The following SRCAP variants were observed in gnomAD, a reference collection of about 807,000 sequenced individuals.
SRCAP encodes chromatin remodeling protein SRCAP.
SRCAP carries 46 observed loss-of-function variants against 263.1 expected under a neutral mutation model. The observed-to-expected ratio is 0.17, with a 90% CI of 0.14 to 0.22. SRCAP has a LOEUF of 0.22. Among genes scored for constraint, SRCAP ranks in the 10% least tolerant of loss-of-function variants. The pLI, the probability that SRCAP is intolerant of heterozygous loss-of-function variation, is 1.00. For synonymous variants in SRCAP, 1,813 were observed against 1,662.1 expected (o/e 1.09, Z -2.21); for missense variants, 3,695 against 4,181.9 (o/e 0.88, Z 3.21).
chr16:30,722,462 A>G lies in SRCAP; in HGVS notation c.3707-101A>G. On this transcript the variant is annotated intron_variant, in intron 22 of 33. Coordinates refer to ENST00000262518, the MANE Select transcript of SRCAP (RefSeq NM_006662.3). Reference sequence around the variant, plus strand: ...GATAGGGAAGAGGTCATTCTAGAGAATGTATTCCCTCTCTGTTCTTTTCTT... The same window carrying G: ...GATAGGGAAGAGGTCATTCTAGAGAGTGTATTCCCTCTCTGTTCTTTTCTT... The G allele has an allele frequency of 2.7e-6, 4 of 1,494,218 alleles. No individual in the cohort carries two copies. The South Asian group carries it at 3.7e-5, about 14-fold the overall frequency. The allele number at this position is 1,494,218 out of a possible 1,614,324, so 92.6% of individuals were successfully genotyped here. A position where few individuals can be genotyped will look rare whatever the true frequency, so the allele number is the denominator to read the frequency against.
Position 30,720,165 on chromosome 16 carries a change from A to G in SRCAP, c.2821A>G (p.Ile941Val), listed in dbSNP as rs1176169022. Residue 941 changes from isoleucine (I) to valine (V), a missense_variant, in exon 19 of 34, where the codon ATA becomes GTA. By Grantham distance (29) the Ile-to-Val change is conservative (BLOSUM62 3). This residue lies in a region of SRCAP where 147 missense variants were observed against 212.7 expected (regional missense o/e 0.69). Transcript: ENST00000262518. Reference protein sequence around the residue: ...RATDVHPLQRIDMGRFDLIGL... With the variant: ...RATDVHPLQRVDMGRFDLIGL... ...TGTGCTTTCTTTCTTGTGGCAGCGG[A>G]TAGACATGGGTCGATTTGACCTTAT... is the stretch of plus-strand genomic sequence containing the variant. 3.1e-6 allele frequency: 5 copies of G among 1,603,916 alleles called. No individual in the cohort carries two copies. Among genetic ancestry groups the G allele is most frequent in the Middle Eastern group, 1.7e-4 (1 of 6,048 alleles).
At chr16:30,726,584 G>A (rs72793375) in intron 25 of SRCAP, among the ~76,000 whole-genome samples, 22,642 of 150,448 alleles carry the variant, frequency 0.15, 2,191 homozygotes, top group Non-Finnish European at 0.22. Flanking sequence ...GCTTTGGCAC[G>A]GTCTTGGCTC....
At position 30,737,142 on chromosome 16, in the gene SRCAP, G is replaced by T. The variant is rs765156790; in HGVS notation, c.7102G>T (p.Asp2368Tyr). ...QEEEEGPGAG[D>Y]ESSCGTGGGT... ...GGAGGAGGAGGGGCCGGGGGCTGGG[G>T]ATGAGAGTTCCTGTGGGACTGGTGG... Residue 2368 changes from aspartate to tyrosine, a missense_variant, in exon 34 of 34, where the codon GAT becomes TAT. Coordinates refer to ENST00000262518, the MANE Select transcript of SRCAP (RefSeq NM_006662.3). 3.7e-6 allele frequency: 6 copies of T among 1,613,952 alleles called. No individual in the cohort carries two copies. In the South Asian group the frequency reaches 5.5e-5, roughly 15 times the overall value.
In SRCAP at chr16:30,739,951, A is replaced by T; in HGVS notation, c.*218A>T. 1 of 676,546 alleles carries T rather than the reference A, an allele frequency of 1.5e-6. No homozygotes were observed. The highest frequency in any genetic ancestry group is 2.2e-6 in the Non-Finnish European group (1 of 452,812). 41.9% of individuals were successfully genotyped at this position (676,546 alleles called of 1,614,324 possible). ...TCCCCTTCACCCCACGTGGCTGGGC[A>T]GTGTTAAGGGTGGCAAGATAGTCTC... On this transcript the variant is annotated 3_prime_UTR_variant, in exon 34 of 34. Coordinates refer to ENST00000262518, the MANE Select transcript of SRCAP (RefSeq NM_006662.3).
rs1309704333 is a variant in SRCAP at position 30,718,520 on chromosome 16, C to G, written c.2818-1642C>G. Among the ~76,000 whole-genome samples, 8 of 147,380 alleles carry G rather than the reference C, an allele frequency of 5.4e-5. No individual in the cohort carries two copies. The Admixed American group carries it at 5.5e-4, about 10-fold the overall frequency. ...ATGGAGTCTTACTCTGTCGCTCAGG[C>G]TGGAGTGCAGTGGTGCGATGTCAGC... On this transcript the variant is annotated intron_variant, in intron 18 of 33. Coordinates refer to ENST00000262518, the MANE Select transcript of SRCAP (RefSeq NM_006662.3).
intron 1 of SRCAP, among the ~76,000 whole-genome samples, chr16:30,699,564 C>T (rs557385952): frequency 1.3e-5 from 2 of 152,158 alleles, no homozygotes; most frequent in East Asian, 1.9e-4. Flanking sequence ...ACTCTCACTT[C>T]TGCGTTCAGC....
chr16:30,710,574 C>T, intron 8 of SRCAP, 180 bp from the exon 9 acceptor site: 1 of 803,922 alleles, frequency 1.2e-6, no homozygotes, highest in Admixed American at 1.7e-5. Context: ...GCAGTGGGGC[C>T]AGGATTTGGT....
Position 30,733,862 on chromosome 16 carries a change from G to A in SRCAP, c.6495-32G>A, listed in dbSNP as rs1389172087. The A allele has an allele frequency of 6.2e-7, 1 of 1,612,994 alleles. No individual in the cohort carries two copies. The highest frequency in any genetic ancestry group is 1.3e-5 in the African/African-American group (1 of 74,846). On this transcript the variant is annotated intron_variant, in intron 29 of 33. Transcript: ENST00000262518. The surrounding 1 kb of genome is among the most constrained non-coding windows in gnomAD (Gnocchi z 5.3). Reference sequence around the variant, plus strand: ...TGATGGGGTTTCCTGGATATATTTGGCTGCTTACACACGGCCTTCATCACC... The same window carrying A: ...TGATGGGGTTTCCTGGATATATTTGACTGCTTACACACGGCCTTCATCACC...
chr16:30,732,758 C>G (rs1338841008), intron 27 of SRCAP, among the ~76,000 whole-genome samples: 1 of 152,206 alleles, frequency 6.6e-6, no homozygotes, highest in Non-Finnish European at 1.5e-5. Flanking sequence ...CTTTTAGACT[C>G]CAAGAAGTTA....
intron 14 of SRCAP, 47 bp from the exon 15 acceptor site, chr16:30,713,161 C>T: frequency 6.3e-7 from 1 of 1,587,244 alleles, no homozygotes. Context: ...CCTTTGCTCT[C>T]TTCTTTTCAT....
In SRCAP at chr16:30,729,162, C is replaced by T; in HGVS notation, c.5855C>T (p.Thr1952Ile). ...AGCCACCCCACCTTTTGGACTTATA[C>T]CGAGGCTGCCCACCGGGCTGTACTG... ...GPSHPTFWTY[T>I]EAAHRAVLFP... The change falls in exon 26 of 34, where the codon ACC (threonine) becomes ATC (isoleucine). Residue 1952 changes from threonine (T) to isoleucine (I), a missense_variant. Around this residue, in one of 12 missense-constraint regions of SRCAP, gnomAD observed 1,347 missense variants for 1,304.4 expected, o/e 1.03. Coordinates refer to ENST00000262518, the MANE Select transcript of SRCAP (RefSeq NM_006662.3). 1 of 1,614,046 alleles carries T rather than the reference C, an allele frequency of 6.2e-7. No homozygotes were observed. Among genetic ancestry groups the T allele is most frequent in the South Asian group, 1.1e-5 (1 of 91,078 alleles).
Position 30,709,398 on chromosome 16 carries a change from C to T in SRCAP, c.634-115C>T. 3.7e-6 allele frequency: 4 copies of T among 1,090,140 alleles called. No homozygotes were observed. In the South Asian group the frequency reaches 4.3e-5, roughly 12 times the overall value. The allele number at this position is 1,090,140 out of a possible 1,614,324, so 67.5% of individuals were successfully genotyped here. On this transcript the variant is annotated intron_variant, in intron 6 of 33. Coordinates refer to ENST00000262518, the MANE Select transcript of SRCAP (RefSeq NM_006662.3). Reference sequence around the variant, plus strand: ...GAGCCCCTAAGGTTATTTAGTTTTACTTTCCTAAGAGGCCAGCCCAGGATC... The same window carrying T: ...GAGCCCCTAAGGTTATTTAGTTTTATTTTCCTAAGAGGCCAGCCCAGGATC...
chr16:30,705,200 C>T (rs1459567300), intron 4 of SRCAP, among the ~76,000 whole-genome samples: 1 of 151,968 alleles, frequency 6.6e-6, no homozygotes, highest in African/African-American at 2.4e-5. Context: ...ACTCAGGAAG[C>T]TGAGGCAGGG....
intron 16 of SRCAP, among the ~76,000 whole-genome samples, chr16:30,715,612 T>G (rs892691538): frequency 2.6e-5 from 4 of 152,120 alleles, no homozygotes; most frequent in African/African-American, 9.7e-5. Flanking sequence ...ACTATTACTT[T>G]TCCTTCATTT....
chr16:30,727,083 C>G (rs934713280), intron 25 of SRCAP, among the ~76,000 whole-genome samples: 4 of 152,160 alleles, frequency 2.6e-5, no homozygotes, highest in Non-Finnish European at 5.9e-5. Flanking sequence ...AAGTGATCTG[C>G]CCGCCTCAGC....
Position 30,711,571 on chromosome 16 carries a change from G to T in SRCAP, c.1319G>T (p.Gly440Val). The T allele has an allele frequency of 1.3e-6, 2 of 1,584,164 alleles. No homozygotes were observed. Among genetic ancestry groups the T allele is most frequent in the South Asian group, 1.1e-5 (1 of 88,236 alleles). ...CAAAAGCTTTTTGTTTCTCTTCCAG[G>T]TGAGCTTTCCATGGAGGAGCTATTG... ...AMELSELARE[G>V]ELSMEELLQQ... The change falls in exon 11 of 34, where the codon GGT becomes GTT. Residue 440 changes from glycine (G) to valine (V), a missense_variant and splice_region_variant. Gly to Val is a moderately radical substitution (Grantham distance 109). Transcript: ENST00000262518.
Position 30,709,747 on chromosome 16 carries a change from C to G in SRCAP, c.856+12C>G. The G allele has an allele frequency of 6.2e-7, 1 of 1,614,156 alleles. No homozygotes were observed. Among genetic ancestry groups the G allele is most frequent in the South Asian group, 1.1e-5 (1 of 91,070 alleles). Reference sequence around the variant, plus strand: ...CCTGGATGATGAAGGTGTGTGTTCTCTTTGGTCCTGTTACTCTTCCTCATG... The same window carrying G: ...CCTGGATGATGAAGGTGTGTGTTCTGTTTGGTCCTGTTACTCTTCCTCATG... On this transcript the variant is annotated intron_variant, in intron 7 of 33. Transcript: ENST00000262518.
chr16:30,720,466 G>T (rs2053000762), intron 19 of SRCAP, 135 bp downstream of exon 19: 1 of 1,123,684 alleles, frequency 8.9e-7, no homozygotes, highest in Non-Finnish European at 1.3e-6. Flanking sequence ...AACGTGGAGG[G>T]AATCAGGGAG....
chr16:30,711,749 A>C lies in SRCAP; in HGVS notation c.1492+5A>C. 1 of 1,611,782 alleles carries C rather than the reference A, an allele frequency of 6.2e-7. No homozygotes were observed. The highest frequency in any genetic ancestry group is 8.5e-7 in the Non-Finnish European group (1 of 1,178,402). ...AGGATAGTAGCAGTCAGTCAGGTGAATATGTGGTCATGAAGCAGGAGCTGG... is the reference window on the plus strand; with the variant it reads ...AGGATAGTAGCAGTCAGTCAGGTGACTATGTGGTCATGAAGCAGGAGCTGG... On this transcript the variant is annotated splice_donor_5th_base_variant and intron_variant, in intron 11 of 33. Transcript: ENST00000262518.
Sources: gnomAD v4.1 joint callset for allele counts (sites outside exome capture counted in the v4.1 genomes callset) on GRCh38, gnomAD v4.1.1 for gene constraint, gnomAD v4.1.1 regional missense constraint, Gnocchi (gnomAD v3.1) non-coding constraint, MANE v1.5 for transcripts, NCBI Gene and HGNC (gene_info 2026-07-23, HGNC 2026-07-21) for gene names.